DOCK8: variants seen among roughly 807,000 people sequenced by gnomAD.
DOCK8 encodes dedicator of cytokinesis protein 8.
A neutral mutation model predicts 245.6 loss-of-function variants in DOCK8; 141 were observed. The ratio of observed to expected loss-of-function variants is 0.57; its 90% CI spans 0.50 to 0.66. DOCK8 has a LOEUF of 0.66. DOCK8 is among the 30% of genes least tolerant of loss of function. DOCK8 has a pLI of 0.00. For missense variants in DOCK8, 2,965 were observed against 2,603.4 expected, an observed-to-expected ratio of 1.14 and a Z score of -3.02; for synonymous variants, 1,168 against 970.2, an observed-to-expected ratio of 1.20 and a Z score of -3.79.
intron 2 of DOCK8, among the ~76,000 whole-genome samples, chr9:284,073 G>A (rs1350557019): frequency 6.6e-6 from 1 of 152,058 alleles, no homozygotes; most frequent in African/African-American, 2.4e-5. Context: ...AATGAGGTTG[G>A]GGCTGGAAAA....
intron 1 of DOCK8, among the ~76,000 whole-genome samples, chr9:230,784 G>A (rs1258181099): frequency 6.6e-6 from 1 of 152,164 alleles, no homozygotes; most frequent in Middle Eastern, 3.4e-3. Context: ...TGAGTTCATT[G>A]TAGATTCTGG....
intron 18 of DOCK8, among the ~76,000 whole-genome samples, chr9:374,069 C>A (rs1441516000): frequency 1.3e-5 from 2 of 152,230 alleles, no homozygotes; most frequent in African/African-American, 2.4e-5. Flanking sequence ...GAGCCCATAT[C>A]TGCATATCTG....
chr9:423,642 C>G (rs1245719278), intron 33 of DOCK8, among the ~76,000 whole-genome samples: 1 of 152,152 alleles, frequency 6.6e-6, no homozygotes, highest in African/African-American at 2.4e-5. Context: ...ATAGATGTGA[C>G]TTGGAAACCC....
chr9:288,015 A>C (rs576759596), intron 3 of DOCK8, among the ~76,000 whole-genome samples: 2 of 152,212 alleles, frequency 1.3e-5, no homozygotes, highest in African/African-American at 4.8e-5. Context: ...TTCTTACAAA[A>C]CAAAAACAAA....
chr9:441,744 G>A (rs1008343630), intron 41 of DOCK8, 131 bp from the exon 42 acceptor site: 6 of 1,193,852 alleles, frequency 5.0e-6, no homozygotes, highest in Non-Finnish European at 7.2e-6. Context: ...TTTTTAAGGA[G>A]TAATTTCTGT....
rs1422074533 is a variant in DOCK8, at chr9:379,948, T to C, written c.2605+13T>C. The C allele has an allele frequency of 6.2e-7, 1 of 1,613,092 alleles. No individual in the cohort carries two copies. Among genetic ancestry groups the C allele is most frequent in the Admixed American group, 1.7e-5 (1 of 59,964 alleles). ...GTGCCCAAGTCAGGTAGAGTTGCCC[T>C]GAGTGTGGGACTCTGGTGGGCGGGG... On this transcript the variant is annotated intron_variant, in intron 21 of 47. Coordinates refer to ENST00000432829, the MANE Select transcript of DOCK8 (RefSeq NM_203447.4).
intron 47 of DOCK8, among the ~76,000 whole-genome samples, 160 bp from the exon 48 acceptor site, chr9:463,999 G>GTGCCACAGTGTGAAGTGGCACA (rs1168285899): frequency 1.3e-5 from 2 of 152,176 alleles, no homozygotes; most frequent in African/African-American, 4.8e-5. Flanking sequence ...ACAGTGTGAA[G>GTGCCACAGTGTGAAGTGGCACA]GGGTCGCAGA....
chr9:344,899 A>G (rs2051799256), intron 14 of DOCK8, among the ~76,000 whole-genome samples: 1 of 152,066 alleles, frequency 6.6e-6, no homozygotes, highest in Non-Finnish European at 1.5e-5. Context: ...TAAAAATACA[A>G]AAAGTAACTG....
intron 1 of DOCK8, among the ~76,000 whole-genome samples, chr9:222,446 A>G (rs2046904062): frequency 6.6e-6 from 1 of 152,160 alleles, no homozygotes; most frequent in African/African-American, 2.4e-5. Context: ...TGCCAAATTG[A>G]CGCCCAGAAA....
chr9:254,812 G>C (rs113579474), intron 1 of DOCK8, among the ~76,000 whole-genome samples: 1 of 152,168 alleles, frequency 6.6e-6, no homozygotes. Context: ...AGTTCACAAG[G>C]CAGTTGTTGC....
At chr9:250,784 G>C (rs2047625980) in intron 1 of DOCK8, among the ~76,000 whole-genome samples, 5 of 152,204 alleles carry the variant, frequency 3.3e-5, no homozygotes, top group Admixed American at 2.0e-4. Flanking sequence ...GCAGCCGAAA[G>C]ATCACATTAA....
At chr9:372,039 A>G in intron 17 of DOCK8, 146 bp from the exon 18 acceptor site, 1 of 735,188 alleles carries the variant, frequency 1.4e-6, no homozygotes. Context: ...TAAAATGCAA[A>G]GAACTGGACA....
chr9:353,829 G>A (rs2052293242), intron 14 of DOCK8, among the ~76,000 whole-genome samples: 2 of 152,092 alleles, frequency 1.3e-5, no homozygotes, highest in South Asian at 4.1e-4. Context: ...TGGTGCTTTG[G>A]GGGAAAAGGA....
intron 7 of DOCK8, among the ~76,000 whole-genome samples, chr9:324,517 G>T (rs758730363): frequency 6.6e-6 from 1 of 152,080 alleles, no homozygotes; most frequent in Non-Finnish European, 1.5e-5. Context: ...AATGCACCAG[G>T]ATTATGCTTT....
In DOCK8 at chr9:390,998, C is replaced by T. The variant is rs564979068; in HGVS notation, c.2970+432C>T. Among the ~76,000 whole-genome samples, 3 of 152,282 alleles carry T rather than the reference C, an allele frequency of 2.0e-5. No individual in the cohort carries two copies. The South Asian group carries it at 6.2e-4, about 32-fold the overall frequency. ...AAATTTTTATCATGACCTAAAAAGC[C>T]CTTGTATGATTCTGTTGTTTTCCTC... On this transcript the variant is annotated intron_variant, in intron 24 of 47. Transcript: ENST00000432829.
chr9:429,675 C>T, intron 35 of DOCK8, 27 bp from the exon 36 acceptor site: 1 of 1,613,976 alleles, frequency 6.2e-7, no homozygotes, highest in Non-Finnish European at 8.5e-7. Context: ...CCAAGTGATG[C>T]CTAATGGCCC....
chr9:408,492 A>C lies in DOCK8; in HGVS notation c.3530+1423A>C, dbSNP rs574082839. 2.6e-5 allele frequency among the ~76,000 whole-genome samples: 4 copies of C among 152,306 alleles called. No homozygotes were observed. The East Asian group carries it at 7.7e-4, about 29-fold the overall frequency. ...TAACTAAATTTCTCCCAATTATCTC[A>C]GTAGAATGTTCTACCCTACAACTAA... On this transcript the variant is annotated intron_variant, in intron 28 of 47. Coordinates refer to ENST00000432829, the MANE Select transcript of DOCK8 (RefSeq NM_203447.4).
At chr9:422,868 C>A (rs2056330458) in intron 33 of DOCK8, among the ~76,000 whole-genome samples, 1 of 151,950 alleles carries the variant, frequency 6.6e-6, no homozygotes, top group Admixed American at 6.6e-5. Context: ...GCCTGTAATC[C>A]CAGCTACTCA....
intron 32 of DOCK8, among the ~76,000 whole-genome samples, chr9:421,422 G>C (rs1178458678): frequency 2.0e-5 from 3 of 152,208 alleles, no homozygotes; most frequent in Non-Finnish European, 4.4e-5. Flanking sequence ...CCTTTGGCTA[G>C]TCTATCCGGA....
Sources: allele counts gnomAD v4.1 joint callset (sites outside exome capture counted in the v4.1 genomes callset), GRCh38; gene constraint gnomAD v4.1.1; transcripts MANE v1.5; gene names NCBI Gene and HGNC (gene_info 2026-07-23, HGNC 2026-07-21).